The following RHOU variants were observed in gnomAD, a reference collection of about 807,000 sequenced individuals.
RHOU encodes the protein rho-related GTP-binding protein RhoU.
RHOU carries 8 observed loss-of-function variants against 12.6 expected under a neutral mutation model. That is an observed-to-expected ratio of 0.64 (90% CI 0.37 to 1.15). The LOEUF is 1.15. Among genes scored for constraint, RHOU ranks in the 50% most tolerant of loss-of-function variants. The pLI is 0.01. For missense variants in RHOU, 258 were observed against 347.0 expected (o/e 0.74, Z 2.04); for synonymous variants, 161 against 147.4 (o/e 1.09, Z -0.67).
chr1:228,648,228 A>G, the RHOU span, among the ~76,000 whole-genome samples: 1 of 152,216 alleles, frequency 6.6e-6, no homozygotes, highest in Non-Finnish European at 1.5e-5. Context: ...TTGGCCTCTT[A>G]GAGCCTTCCG....
Position 228,735,733 on chromosome 1 carries a change from T to C in RHOU, c.-10T>C. The C allele has an allele frequency of 2.5e-6, 3 of 1,203,256 alleles. No individual in the cohort carries two copies. The highest frequency in any genetic ancestry group is 2.1e-6 in the Non-Finnish European group (2 of 969,970). 74.5% of individuals were successfully genotyped at this position (1,203,256 alleles called of 1,614,324 possible). A position where few individuals can be genotyped will look rare whatever the true frequency, so the allele number is the denominator to read the frequency against. ...CTAGCCCGCGACCGCAAGCCCGCGC[T>C]CGCGGATCGATGCCCCCGCAGCAGG... On this transcript the variant is annotated 5_prime_UTR_variant, in exon 1 of 3. Coordinates refer to ENST00000366691, the MANE Select transcript of RHOU (RefSeq NM_021205.6). The surrounding 1 kb of genome is among the most constrained non-coding windows in gnomAD (Gnocchi z 8.1).
chr1:228,681,449 A>C, the RHOU span, among the ~76,000 whole-genome samples: 1 of 152,216 alleles, frequency 6.6e-6, no homozygotes, highest in South Asian at 2.1e-4. Context: ...CACAAGACTC[A>C]GTGACGACTG....
At chr1:228,682,880 T>C in the RHOU span, among the ~76,000 whole-genome samples, 1 of 152,122 alleles carries the variant, frequency 6.6e-6, no homozygotes, top group Non-Finnish European at 1.5e-5. Context: ...AAATCTCAGA[T>C]AAGACACAGA....
chr1:228,713,902 T>C, the RHOU span, among the ~76,000 whole-genome samples: 1 of 152,152 alleles, frequency 6.6e-6, no homozygotes, highest in African/African-American at 2.4e-5. Flanking sequence ...GCTGTAGATT[T>C]GATTGCTTGC....
At chr1:228,648,786 C>G in the RHOU span, among the ~76,000 whole-genome samples, 26 of 152,136 alleles carry the variant, frequency 1.7e-4, no homozygotes, top group African/African-American at 6.0e-4. Context: ...TCTGTTTCTT[C>G]CTATTTAATG....
chr1:228,729,492 A>G, the RHOU span, among the ~76,000 whole-genome samples: 1 of 152,240 alleles, frequency 6.6e-6, no homozygotes, highest in Non-Finnish European at 1.5e-5. Flanking sequence ...TACAGACAGG[A>G]ATGCACATGT....
chr1:228,737,266 C>T lies in RHOU; in HGVS notation c.263-407C>T, dbSNP rs1359655528. The stretch of plus-strand genomic sequence containing the variant: ...TAAACCCTGAAGTTGGGGAACCTTT[C>T]CCAAGGGAAAACAGAATTATTTGTG... On this transcript the variant is annotated intron_variant, in intron 1 of 2. Coordinates refer to ENST00000366691, the MANE Select transcript of RHOU (RefSeq NM_021205.6). This position sits in a 1 kb window ranked among gnomAD's most constrained non-coding sequence, Gnocchi z 4.1. 1.3e-5 allele frequency among the ~76,000 whole-genome samples: 2 copies of T among 152,316 alleles called. No individual in the cohort carries two copies. Among genetic ancestry groups the T allele is most frequent in the South Asian group, 2.1e-4 (1 of 4,820 alleles).
Position 228,735,919 on chromosome 1 carries a change from G to T in RHOU, c.177G>T (p.Ala59=). 1.3e-6 allele frequency: 2 copies of T among 1,562,616 alleles called. No individual in the cohort carries two copies. ...GVKCVLVGDG[A]VGKTSLVVSY... ...AGTGCGTGCTGGTCGGCGACGGCGCGGTGGGCAAGACGAGCCTGGTGGTGA... is the reference window on the plus strand; with the variant it reads ...AGTGCGTGCTGGTCGGCGACGGCGCTGTGGGCAAGACGAGCCTGGTGGTGA... The change falls in exon 1 of 3, where the codon GCG becomes GCT. Residue 59 remains alanine (A), a synonymous_variant. Transcript: ENST00000366691. This position sits in a 1 kb window ranked among gnomAD's most constrained non-coding sequence, Gnocchi z 8.1.
At chr1:228,652,747 A>C in the RHOU span, among the ~76,000 whole-genome samples, 1 of 152,206 alleles carries the variant, frequency 6.6e-6, no homozygotes, top group Non-Finnish European at 1.5e-5. Context: ...AATTAATTAC[A>C]TGAGATTGAA....
At chr1:228,718,915 A>G in the RHOU span, among the ~76,000 whole-genome samples, 1 of 152,232 alleles carries the variant, frequency 6.6e-6, no homozygotes, top group African/African-American at 2.4e-5. Context: ...GGAGTGAACT[A>G]AATCTGGTGT....
the RHOU span, among the ~76,000 whole-genome samples, chr1:228,714,657 C>T: frequency 6.6e-6 from 1 of 151,002 alleles, no homozygotes; most frequent in African/African-American, 2.4e-5. Flanking sequence ...AGTTATTTCT[C>T]CTTATTTCTT....
the RHOU span, among the ~76,000 whole-genome samples, chr1:228,659,214 A>G: frequency 8.5e-5 from 13 of 152,204 alleles, no homozygotes; most frequent in African/African-American, 3.1e-4. Flanking sequence ...CCCTGTCTCT[A>G]CTAAAAATAC....
At chr1:228,715,009 T>C in the RHOU span, among the ~76,000 whole-genome samples, 1 of 152,118 alleles carries the variant, frequency 6.6e-6, no homozygotes, top group African/African-American at 2.4e-5. Context: ...CCCAAAGTGC[T>C]GGGATTACAG....
At chr1:228,654,721 C>A in the RHOU span, among the ~76,000 whole-genome samples, 1 of 152,218 alleles carries the variant, frequency 6.6e-6, no homozygotes, top group African/African-American at 2.4e-5. Context: ...TCCTTTAGTG[C>A]ACCTAGTGGG....
chr1:228,674,212 C>T, the RHOU span, among the ~76,000 whole-genome samples: 1 of 152,112 alleles, frequency 6.6e-6, no homozygotes, highest in Admixed American at 6.5e-5. Flanking sequence ...TTTGTCTTTT[C>T]TTATTAAGTC....
chr1:228,722,898 G>C, the RHOU span, among the ~76,000 whole-genome samples: 1 of 152,194 alleles, frequency 6.6e-6, no homozygotes, highest in African/African-American at 2.4e-5. Flanking sequence ...TGGGATTACA[G>C]GCATGAGCCA....
the RHOU span, among the ~76,000 whole-genome samples, chr1:228,662,616 G>T: frequency 6.8e-6 from 1 of 147,848 alleles, no homozygotes; most frequent in Non-Finnish European, 1.5e-5. Flanking sequence ...TCACTCATAG[G>T]TGGGAACTGA....
the RHOU span, among the ~76,000 whole-genome samples, chr1:228,725,384 C>T: frequency 0.016 from 2,428 of 152,108 alleles, 42 homozygotes; most frequent in Non-Finnish European, 0.022. Context: ...TTCCAGAACA[C>T]GGATGGCCGT....
the RHOU span, among the ~76,000 whole-genome samples, chr1:228,707,499 C>A: frequency 1.3e-5 from 2 of 151,300 alleles, no homozygotes; most frequent in Non-Finnish European, 2.9e-5. Context: ...GGTCCCTGAC[C>A]CCTGACCCCC....
Sources: allele counts gnomAD v4.1 joint callset (sites outside exome capture counted in the v4.1 genomes callset), GRCh38; gene constraint gnomAD v4.1.1; non-coding constraint Gnocchi (gnomAD v3.1); transcripts MANE v1.5; gene names NCBI Gene and HGNC (gene_info 2026-07-23, HGNC 2026-07-21).